The following HIBADH variants were observed in gnomAD, a reference collection of about 807,000 sequenced individuals.
The protein encoded by HIBADH is 3-hydroxyisobutyrate dehydrogenase, mitochondrial.
HIBADH carries 25 observed loss-of-function variants against 36.1 expected under a neutral mutation model. The observed-to-expected ratio is 0.69, with a 90% CI of 0.50 to 0.97. The LOEUF (loss-of-function observed/expected upper bound fraction) is 0.97, where lower values mean the gene tolerates loss of function less well. HIBADH is among the 50% of genes least tolerant of loss of function. HIBADH has a pLI of 0.00. For missense variants in HIBADH, 421 were observed against 418.0 expected (o/e 1.01, Z -0.06); for synonymous variants, 160 against 149.5 (o/e 1.07, Z -0.51).
chr7:27,644,322 G>A (rs189283173), intron 2 of HIBADH, among the ~76,000 whole-genome samples: 25 of 151,814 alleles, frequency 1.6e-4, no homozygotes, highest in Non-Finnish European at 1.8e-4. Flanking sequence ...AAAATTGGCC[G>A]GGCACGGTGG....
chr7:27,589,703 A>G (rs1784913020), intron 4 of HIBADH, among the ~76,000 whole-genome samples: 2 of 152,212 alleles, frequency 1.3e-5, no homozygotes, highest in Non-Finnish European at 2.9e-5. Flanking sequence ...TTGTAAGACA[A>G]TCAGTAAAAA....
chr7:27,662,268 A>G (rs2128298667), intron 1 of HIBADH, among the ~76,000 whole-genome samples: 1 of 152,214 alleles, frequency 6.6e-6, no homozygotes, highest in South Asian at 2.1e-4. Flanking sequence ...CTGCTGCCCA[A>G]GTGTGTCCCC....
chr7:27,578,977 C>T (rs1045942477), intron 4 of HIBADH, among the ~76,000 whole-genome samples: 3 of 152,062 alleles, frequency 2.0e-5, no homozygotes, highest in African/African-American at 7.2e-5. Context: ...AATAACTGGT[C>T]TAGACTCCAG....
intron 4 of HIBADH, among the ~76,000 whole-genome samples, chr7:27,563,889 T>G (rs555465921): frequency 7.1e-6 from 1 of 141,840 alleles, no homozygotes; most frequent in Non-Finnish European, 1.5e-5. Context: ...GAGGAGAAGT[T>G]TGTTAATTTT....
At chr7:27,647,338 T>C (rs1224842397) in intron 2 of HIBADH, among the ~76,000 whole-genome samples, 1 of 152,224 alleles carries the variant, frequency 6.6e-6, no homozygotes, top group Non-Finnish European at 1.5e-5. Context: ...TTAAAACTTA[T>C]AAATTGTTTA....
intron 1 of HIBADH, among the ~76,000 whole-genome samples, chr7:27,657,620 T>C (rs369816096): frequency 1.3e-5 from 2 of 151,940 alleles, no homozygotes; most frequent in African/African-American, 4.8e-5. Context: ...AAGATAAAGT[T>C]TTCAAAGGAC....
At chr7:27,659,928 C>T (rs965166620) in intron 1 of HIBADH, among the ~76,000 whole-genome samples, 21 of 152,178 alleles carry the variant, frequency 1.4e-4, no homozygotes, top group African/African-American at 4.6e-4. Flanking sequence ...TATCGTGGTG[C>T]ACCCTGCAAT....
In HIBADH at chr7:27,537,032, TAGTC is replaced by T. The variant is rs572093246; in HGVS notation, c.695+1305_695+1308del. On this transcript the variant is annotated intron_variant, in intron 6 of 7. Coordinates refer to ENST00000265395, the MANE Select transcript of HIBADH (RefSeq NM_152740.4). ...TGTACATTTTCCTCTTCCATGAAAT[TAGTC>T]TAGAGAATGAACATGAAAACAAGTT... is the stretch of plus-strand genomic sequence containing the variant. Among the ~76,000 whole-genome samples the T allele has an allele frequency of 3.2e-3, 493 of 152,300 alleles. 6 individuals carry two copies. The highest frequency in any genetic ancestry group is 0.011 in the African/African-American group (464 of 41,574).
At chr7:27,573,801 C>T (rs1433182137) in intron 4 of HIBADH, among the ~76,000 whole-genome samples, 1 of 152,002 alleles carries the variant, frequency 6.6e-6, no homozygotes, top group East Asian at 1.9e-4. Context: ...ATTTCAAAGA[C>T]TTAGTATGAA....
chr7:27,645,382 T>G (rs868742711), intron 2 of HIBADH, among the ~76,000 whole-genome samples: 2 of 129,078 alleles, frequency 1.5e-5, no homozygotes, highest in African/African-American at 6.3e-5. Context: ...TTTTTTTTTT[T>G]TTTTTTTTTT....
At chr7:27,654,903 TCTCGAA>T (rs1786269433) in intron 1 of HIBADH, among the ~76,000 whole-genome samples, 2 of 152,078 alleles carry the variant, frequency 1.3e-5, no homozygotes, top group African/African-American at 4.8e-5. Flanking sequence ...GCCAGACCAG[TCTCGAA>T]CTCCTGAGCT....
chr7:27,543,534 G>A (rs4719901), intron 4 of HIBADH, among the ~76,000 whole-genome samples: 23,849 of 152,120 alleles, frequency 0.16, 2,050 homozygotes, highest in Middle Eastern at 0.19. Flanking sequence ...TGGATTCGGG[G>A]TTCTTGCTCA....
At chr7:27,537,770 C>T (rs1050839531) in intron 6 of HIBADH, among the ~76,000 whole-genome samples, 4 of 151,914 alleles carry the variant, frequency 2.6e-5, no homozygotes, top group Non-Finnish European at 4.4e-5. Flanking sequence ...AAGATACATA[C>T]GAATGCAAAG....
chr7:27,579,600 G>A (rs1390584517), intron 4 of HIBADH, among the ~76,000 whole-genome samples: 4 of 152,106 alleles, frequency 2.6e-5, no homozygotes, highest in Non-Finnish European at 5.9e-5. Flanking sequence ...CCATTACTTC[G>A]TATTATTACA....
At chr7:27,582,201 CA>C (rs897729735) in intron 4 of HIBADH, among the ~76,000 whole-genome samples, 1 of 152,096 alleles carries the variant, frequency 6.6e-6, no homozygotes, top group Non-Finnish European at 1.5e-5. Flanking sequence ...AACTCTTATA[CA>C]ATAAGCTCTG....
chr7:27,577,136 A>G (rs1784721962), intron 4 of HIBADH, among the ~76,000 whole-genome samples: 1 of 149,622 alleles, frequency 6.7e-6, no homozygotes, highest in Non-Finnish European at 1.5e-5. Flanking sequence ...TCTACAGCAC[A>G]TTTGTGAACT....
chr7:27,530,164 CA>C (rs945099064), intron 7 of HIBADH, among the ~76,000 whole-genome samples: 97 of 152,098 alleles, frequency 6.4e-4, no homozygotes, highest in African/African-American at 2.3e-3. Context: ...ACAATATCTC[CA>C]AGGTATGCTT....
intron 4 of HIBADH, among the ~76,000 whole-genome samples, chr7:27,581,601 T>C (rs1784790040): frequency 6.6e-6 from 1 of 152,176 alleles, no homozygotes; most frequent in Non-Finnish European, 1.5e-5. Flanking sequence ...AGATTTATGA[T>C]ATACAACATA....
chr7:27,539,873 G>A (rs927792787), intron 5 of HIBADH, among the ~76,000 whole-genome samples: 1 of 152,084 alleles, frequency 6.6e-6, no homozygotes, highest in Non-Finnish European at 1.5e-5. Flanking sequence ...ATGTTACTAA[G>A]GGAATCATTA....
Sources: allele counts gnomAD v4.1 joint callset (sites outside exome capture counted in the v4.1 genomes callset), GRCh38; gene constraint gnomAD v4.1.1; transcripts MANE v1.5; gene names NCBI Gene and HGNC (gene_info 2026-07-23, HGNC 2026-07-21).